The following GASK1A variants were observed in gnomAD, a reference collection of about 807,000 sequenced individuals.
The protein encoded by GASK1A is golgi associated kinase 1A.
Under a neutral mutation model 41.2 loss-of-function variants are expected in GASK1A, and 40 were observed. The ratio of observed to expected loss-of-function variants is 0.97; its 90% CI spans 0.75 to 1.27. GASK1A has a LOEUF of 1.27. Ranked by LOEUF, GASK1A falls within the 50% of genes most tolerant of loss-of-function variation. GASK1A has a pLI of 0.00. For synonymous variants in GASK1A, 316 were observed against 307.1 expected (o/e 1.03, Z -0.30); for missense variants, 678 against 745.1 (o/e 0.91, Z 1.05).
chr3:43,011,214 T>G (rs1281680884), intron 1 of GASK1A, among the ~76,000 whole-genome samples: 1 of 151,946 alleles, frequency 6.6e-6, no homozygotes, highest in African/African-American at 2.4e-5. Flanking sequence ...AAACCCTGTC[T>G]CTACTAAAAA....
chr3:43,048,877 T>G (rs932938809), intron 2 of GASK1A, among the ~76,000 whole-genome samples: 2 of 152,182 alleles, frequency 1.3e-5, no homozygotes, highest in African/African-American at 4.8e-5. Flanking sequence ...GTGTTTAACC[T>G]GGATGAAGGA....
intron 2 of GASK1A, among the ~76,000 whole-genome samples, chr3:43,042,586 G>A (rs1281740263): frequency 6.6e-6 from 1 of 152,172 alleles, no homozygotes; most frequent in African/African-American, 2.4e-5. Flanking sequence ...ATTTTCCCCC[G>A]TAATTATTAA....
Position 43,053,798 on chromosome 3 carries a change from A to T in GASK1A, c.1413+155A>T, listed in dbSNP as rs766949068. 1.2e-5 allele frequency: 11 copies of T among 889,254 alleles called. No individual in the cohort carries two copies. The South Asian group carries it at 1.3e-4, about 10-fold the overall frequency. 55.1% of individuals were successfully genotyped at this position (889,254 alleles called of 1,614,324 possible). ...CAGAACCAGTTGTTTGAATATTTCC[A>T]GGAGTCCGCAATATATAAAGCTGAC... On this transcript the variant is annotated intron_variant, in intron 3 of 4. Transcript: ENST00000430121.
chr3:43,003,905 G>T (rs2125677635), intron 1 of GASK1A, among the ~76,000 whole-genome samples: 1 of 152,282 alleles, frequency 6.6e-6, no homozygotes, highest in East Asian at 1.9e-4. Flanking sequence ...CCCAGAGAAG[G>T]TGATTTTGCC....
At chr3:42,989,038 AG>A (rs1395990111) in intron 1 of GASK1A, among the ~76,000 whole-genome samples, 1 of 152,250 alleles carries the variant, frequency 6.6e-6, no homozygotes, top group Non-Finnish European at 1.5e-5. Flanking sequence ...TGAGATGGGA[AG>A]GGAAGACCCA....
At chr3:43,000,684 A>G (rs1192601809) in intron 1 of GASK1A, among the ~76,000 whole-genome samples, 1 of 152,250 alleles carries the variant, frequency 6.6e-6, no homozygotes. Flanking sequence ...AAAAGCAAAC[A>G]GGAAAATCAC....
At chr3:43,017,758 T>A (rs1267787198) in intron 1 of GASK1A, among the ~76,000 whole-genome samples, 4 of 148,690 alleles carry the variant, frequency 2.7e-5, no homozygotes, top group Non-Finnish European at 4.5e-5. Context: ...GGGGGCCGTC[T>A]GAAGCCACAG....
intron 1 of GASK1A, among the ~76,000 whole-genome samples, chr3:43,019,796 A>C (rs112292860): frequency 0.017 from 2,588 of 151,712 alleles, 72 homozygotes; most frequent in African/African-American, 0.058. Context: ...ACACCCCATC[A>C]CATGGCTTCC....
At chr3:43,031,088 C>A (rs2089573645) in intron 1 of GASK1A, among the ~76,000 whole-genome samples, 1 of 152,158 alleles carries the variant, frequency 6.6e-6, no homozygotes, top group Admixed American at 6.5e-5. Context: ...CATATAGTAT[C>A]AAAAATCTCT....
chr3:43,041,049 T>A (rs1456172817), intron 2 of GASK1A, among the ~76,000 whole-genome samples: 4 of 150,532 alleles, frequency 2.7e-5, no homozygotes, highest in Non-Finnish European at 5.9e-5. Context: ...ACAAAGGACA[T>A]GAACTCATCA....
chr3:42,982,572 C>T (rs775702213), intron 1 of GASK1A, among the ~76,000 whole-genome samples: 1 of 152,264 alleles, frequency 6.6e-6, no homozygotes, highest in Admixed American at 6.5e-5. Context: ...TGCTCAGTAC[C>T]GTGATTTTGA....
intron 1 of GASK1A, among the ~76,000 whole-genome samples, chr3:43,001,734 G>A (rs1037542527): frequency 6.6e-6 from 1 of 152,172 alleles, no homozygotes; most frequent in Non-Finnish European, 1.5e-5. Flanking sequence ...GTGGGCCCCT[G>A]CGGATGTAAT....
chr3:43,044,734 T>C lies in GASK1A; in HGVS notation c.1291-8787T>C, dbSNP rs528295479. On this transcript the variant is annotated intron_variant, in intron 2 of 4. Coordinates refer to ENST00000430121, the MANE Select transcript of GASK1A (RefSeq NM_001129908.3). ...ATGGTTTAGAATGATTTTAGCACTT[T>C]TAAGTGGTTGAAAAAATTGAAAATA... 5.3e-5 allele frequency among the ~76,000 whole-genome samples: 8 copies of C among 152,310 alleles called. No individual in the cohort carries two copies. The South Asian group carries it at 1.7e-3, about 32-fold the overall frequency.
At chr3:42,983,288 G>A (rs1213719832) in intron 1 of GASK1A, among the ~76,000 whole-genome samples, 1 of 152,172 alleles carries the variant, frequency 6.6e-6, no homozygotes, top group African/African-American at 2.4e-5. Flanking sequence ...CAAAGGTGCT[G>A]TAAGATTGGG....
intron 3 of GASK1A, 31 bp downstream of exon 3, chr3:43,053,674 C>T (rs1433265969): frequency 1.3e-6 from 2 of 1,551,294 alleles, no homozygotes; most frequent in Non-Finnish European, 1.7e-6. Context: ...CCCCTTGTCA[C>T]CCCAGACCCA....
chr3:42,996,817 G>C (rs1426666270), intron 1 of GASK1A, among the ~76,000 whole-genome samples: 1 of 152,242 alleles, frequency 6.6e-6, no homozygotes, highest in African/African-American at 2.4e-5. Flanking sequence ...TTTGGGTGTA[G>C]GATACTCAGT....
At chr3:43,042,585 C>T (rs995238358) in intron 2 of GASK1A, among the ~76,000 whole-genome samples, 25 of 152,164 alleles carry the variant, frequency 1.6e-4, no homozygotes, top group African/African-American at 5.8e-4. Context: ...TATTTTCCCC[C>T]GTAATTATTA....
At chr3:43,009,901 C>T (rs986005494) in intron 1 of GASK1A, among the ~76,000 whole-genome samples, 1 of 152,242 alleles carries the variant, frequency 6.6e-6, no homozygotes, top group Non-Finnish European at 1.5e-5. Flanking sequence ...TCACTTGAGA[C>T]AGTGAGTTGC....
chr3:43,022,642 A>T (rs1230695793), intron 1 of GASK1A, among the ~76,000 whole-genome samples: 1 of 152,216 alleles, frequency 6.6e-6, no homozygotes, highest in Admixed American at 6.5e-5. Flanking sequence ...TAGGAATTAT[A>T]TAATTCTCAT....
Sources: allele counts gnomAD v4.1 joint callset (sites outside exome capture counted in the v4.1 genomes callset), GRCh38; gene constraint gnomAD v4.1.1; transcripts MANE v1.5; gene names NCBI Gene and HGNC (gene_info 2026-07-23, HGNC 2026-07-21).